ZNF516: variants seen among roughly 807,000 people sequenced by gnomAD.
ZNF516 encodes zinc finger protein 516.
ZNF516 carries 19 observed loss-of-function variants against 79.7 expected under a neutral mutation model. That is an observed-to-expected ratio of 0.24 (90% CI 0.17 to 0.35). The LOEUF (loss-of-function observed/expected upper bound fraction) is 0.35, where lower values mean the gene tolerates loss of function less well. Among genes scored for constraint, ZNF516 ranks in the 10% least tolerant of loss-of-function variants. The pLI is 1.00. For synonymous variants in ZNF516, 877 were observed against 739.5 expected (o/e 1.19, Z -3.02); for missense variants, 1,678 against 1,679.5 (o/e 1.00, Z 0.02).
chr18:76,392,421 C>A (rs2080218095), intron 3 of ZNF516, among the ~76,000 whole-genome samples: 1 of 152,048 alleles, frequency 6.6e-6, no homozygotes, highest in African/African-American at 2.4e-5. Context: ...ACACAAGTCA[C>A]CCAGGAAGTA....
At position 76,437,324 on chromosome 18, in the gene ZNF516, G is replaced by A. The variant is rs139556832; in HGVS notation, c.1810+3921C>T. Among the ~76,000 whole-genome samples the A allele has an allele frequency of 2.0e-3, 299 of 152,254 alleles. 2 individuals carry two copies. The highest frequency in any genetic ancestry group is 6.8e-3 in the African/African-American group (284 of 41,542). ...GCCTGGTGACAGTGGAAAGAAGATG[G>A]GCTCTGAGGACGGGGCTGCTGGGCG... On this transcript the variant is annotated intron_variant, in intron 3 of 6. Transcript: ENST00000443185.
intron 3 of ZNF516, among the ~76,000 whole-genome samples, chr18:76,408,711 T>C (rs555488300): frequency 6.6e-6 from 1 of 152,248 alleles, no homozygotes; most frequent in Non-Finnish European, 1.5e-5. Context: ...AATGTTTGCA[T>C]AGTGACACGT....
intron 3 of ZNF516, among the ~76,000 whole-genome samples, chr18:76,434,114 G>A (rs993153444): frequency 1.3e-5 from 2 of 152,212 alleles, no homozygotes; most frequent in African/African-American, 4.8e-5. Context: ...TCTTTACCAG[G>A]AGCGATCCTG....
rs1452194150 is a variant in ZNF516 at position 76,493,230 on chromosome 18, A to G, written c.-272+1914T>C. 3 of 962,036 alleles carry G rather than the reference A, an allele frequency of 3.1e-6. No individual in the cohort carries two copies. The highest frequency in any genetic ancestry group is 3.7e-6 in the Non-Finnish European group (3 of 810,436). 59.6% of individuals were successfully genotyped at this position (962,036 alleles called of 1,614,324 possible). A position where few individuals can be genotyped will look rare whatever the true frequency, so the allele number is the denominator to read the frequency against. ...GGCGTCAGACGATATCCATTTAAATATATTTTGTACTTCCACAAAGGATGG... is the reference window on the plus strand; with the variant it reads ...GGCGTCAGACGATATCCATTTAAATGTATTTTGTACTTCCACAAAGGATGG... On this transcript the variant is annotated intron_variant, in intron 1 of 6. Coordinates refer to ENST00000443185, the MANE Select transcript of ZNF516 (RefSeq NM_014643.4). This position sits in a 1 kb window ranked among gnomAD's most constrained non-coding sequence, Gnocchi z 5.2.
intron 1 of ZNF516, among the ~76,000 whole-genome samples, chr18:76,463,964 A>C (rs992045991): frequency 6.6e-6 from 1 of 152,192 alleles, no homozygotes; most frequent in Admixed American, 6.5e-5. Context: ...CCACCGAAAC[A>C]AGATCTCCCC....
In ZNF516 at chr18:76,403,745, C is replaced by A. The variant is rs920700552; in HGVS notation, c.1811-23442G>T. ...TGAGTGAGAAATCACACACATACCA[C>A]GAGCGAAACACATTACAAGGGCCTC... On this transcript the variant is annotated intron_variant, in intron 3 of 6. Coordinates refer to ENST00000443185, the MANE Select transcript of ZNF516 (RefSeq NM_014643.4). Among the ~76,000 whole-genome samples the A allele has an allele frequency of 2.0e-5, 3 of 152,202 alleles. No individual in the cohort carries two copies. In the South Asian group the frequency reaches 6.2e-4, roughly 32 times the overall value.
intron 4 of ZNF516, among the ~76,000 whole-genome samples, chr18:76,373,211 G>T (rs1478563055): frequency 6.7e-6 from 1 of 149,148 alleles, no homozygotes; most frequent in Non-Finnish European, 1.5e-5. Flanking sequence ...GAAGCAAAGA[G>T]AAGAAGAAAA....
chr18:76,468,955 T>TA (rs1216955001), intron 1 of ZNF516, among the ~76,000 whole-genome samples: 1 of 152,200 alleles, frequency 6.6e-6, no homozygotes, highest in Non-Finnish European at 1.5e-5. Context: ...CCTGAACCAC[T>TA]AAACCACACT....
chr18:76,431,911 A>C (rs1023611346), intron 3 of ZNF516, among the ~76,000 whole-genome samples: 12 of 152,210 alleles, frequency 7.9e-5, no homozygotes, highest in African/African-American at 2.9e-4. Context: ...CACGCAGTGC[A>C]CCAGCAGTGC....
At chr18:76,416,941 C>T (rs374906754) in intron 3 of ZNF516, among the ~76,000 whole-genome samples, 1 of 151,710 alleles carries the variant, frequency 6.6e-6, no homozygotes, top group Non-Finnish European at 1.5e-5. Flanking sequence ...GAAAAAAAAA[C>T]GAATGCAGAA....
At chr18:76,490,712 C>G in intron 1 of ZNF516, 1 of 946,092 alleles carries the variant, frequency 1.1e-6, no homozygotes, top group Non-Finnish European at 1.3e-6. Context: ...GCATGGCAGG[C>G]TGACGGGGGC....
chr18:76,442,499 T>C lies in ZNF516; in HGVS notation c.556A>G (p.Lys186Glu). 3 of 1,602,374 alleles carry C rather than the reference T, an allele frequency of 1.9e-6. No individual in the cohort carries two copies. In the South Asian group the frequency reaches 3.3e-5, roughly 18 times the overall value. ...CSFCKSQFER[K>E]KDLELHVHQA... is the part of the protein sequence containing the mutation. Reference sequence around the variant, plus strand: ...TGCACGTGCAGCTCCAGGTCCTTCTTACGCTCGAACTGGCTCTTGCAGAAG... The same window carrying C: ...TGCACGTGCAGCTCCAGGTCCTTCTCACGCTCGAACTGGCTCTTGCAGAAG... Residue 186 changes from lysine (K) to glutamate (E), a missense_variant, in exon 3 of 7, where the codon AAG becomes GAG. Physicochemically the swap from Lys to Glu is moderately conservative, Grantham distance 56. Coordinates refer to ENST00000443185, the MANE Select transcript of ZNF516 (RefSeq NM_014643.4).
chr18:76,492,056 G>A (rs567090838), intron 1 of ZNF516: 5 of 644,890 alleles, frequency 7.8e-6, no homozygotes, highest in South Asian at 6.8e-5. Context: ...TGGTGGCCGG[G>A]CACACCCGCG....
intron 3 of ZNF516, chr18:76,389,024 C>G (rs1455200240): frequency 6.6e-6 from 1 of 152,314 alleles, no homozygotes; most frequent in Non-Finnish European, 1.5e-5. Context: ...TTCTGGGAAC[C>G]AAGTAATACG....
Position 76,460,654 on chromosome 18 carries a change from A to G in ZNF516, c.-158+2374T>C, listed in dbSNP as rs926001663. ...CCTTTTTCAACGAGCCCAGTTGCTC[A>G]TGAAAGACAAGTAGACAGCTCTACT... On this transcript the variant is annotated intron_variant, in intron 2 of 6. Transcript: ENST00000443185. Among the ~76,000 whole-genome samples the G allele has an allele frequency of 2.6e-5, 4 of 152,170 alleles. No individual in the cohort carries two copies. The South Asian group carries it at 6.2e-4, about 24-fold the overall frequency.
At chr18:76,368,409 T>C (rs2144914331) in intron 6 of ZNF516, among the ~76,000 whole-genome samples, 1 of 152,190 alleles carries the variant, frequency 6.6e-6, no homozygotes, top group South Asian at 2.1e-4. Context: ...TCAGAGGCCA[T>C]GAGCTCAGAT....
At chr18:76,401,983 G>A (rs2075234999) in intron 3 of ZNF516, among the ~76,000 whole-genome samples, 5 of 152,094 alleles carry the variant, frequency 3.3e-5, no homozygotes, top group East Asian at 1.9e-4. Context: ...GTGCCTATGT[G>A]CATGTGTGTA....
At chr18:76,468,054 G>T (rs146019649) in intron 1 of ZNF516, among the ~76,000 whole-genome samples, 2,021 of 152,302 alleles carry the variant, frequency 0.013, 28 homozygotes, top group Non-Finnish European at 0.018. Context: ...GCCAGCCCGT[G>T]CCTATTCTGT....
intron 2 of ZNF516, among the ~76,000 whole-genome samples, chr18:76,445,555 T>C (rs958800061): frequency 2.6e-5 from 4 of 152,110 alleles, no homozygotes; most frequent in Admixed American, 6.5e-5. Flanking sequence ...CTGGATGTGG[T>C]ATAAAAACCT....
Sources: gnomAD v4.1 joint callset for allele counts (sites outside exome capture counted in the v4.1 genomes callset) on GRCh38, gnomAD v4.1.1 for gene constraint, Gnocchi (gnomAD v3.1) non-coding constraint, MANE v1.5 for transcripts, NCBI Gene and HGNC (gene_info 2026-07-23, HGNC 2026-07-21) for gene names.